The following TNRC6C variants were observed in gnomAD, a reference collection of about 807,000 sequenced individuals.
TNRC6C encodes trinucleotide repeat-containing gene 6C protein.
A neutral mutation model predicts 153.7 loss-of-function variants in TNRC6C; 20 were observed. The ratio of observed to expected loss-of-function variants is 0.13; its 90% confidence interval spans 0.09 to 0.19. TNRC6C has a LOEUF of 0.19. Ranked by LOEUF, TNRC6C falls within the 10% of genes least tolerant of loss-of-function variation. TNRC6C has a pLI of 1.00. For synonymous variants in TNRC6C, 811 were observed against 841.4 expected, an observed-to-expected ratio of 0.96 and a Z score of 0.63; for missense variants, 1,987 against 2,172.0, an observed-to-expected ratio of 0.91 and a Z score of 1.69.
At chr17:78,056,620 C>T (rs8076133) in intron 3 of TNRC6C, among the ~76,000 whole-genome samples, 1,934 of 152,040 alleles carry the variant, frequency 0.013, 38 homozygotes, top group African/African-American at 0.045. Flanking sequence ...CCCGCCACCA[C>T]GCTCGGCTAA....
At chr17:78,101,568 G>A (rs2073595217) in intron 17 of TNRC6C, among the ~76,000 whole-genome samples, 1 of 152,106 alleles carries the variant, frequency 6.6e-6, no homozygotes, top group South Asian at 2.1e-4. Context: ...GGTGTGAAGT[G>A]GGAAATCGGG....
intron 1 of TNRC6C, among the ~76,000 whole-genome samples, chr17:78,026,795 A>G (rs2071949928): frequency 6.6e-6 from 1 of 152,170 alleles, no homozygotes; most frequent in Non-Finnish European, 1.5e-5. Context: ...AGAGTCTCTT[A>G]CAGTACTCCA....
At chr17:78,098,493 C>T (rs372894604) in exon 17 of TNRC6C, 7 of 1,613,894 alleles carry the variant, frequency 4.3e-6, no homozygotes, top group Non-Finnish European at 5.9e-6. Flanking sequence ...CCCTCCTCCA[C>T]CTGGGGTGCC....
chr17:77,962,039 G>C (rs960909711), intron 1 of TNRC6C, among the ~76,000 whole-genome samples: 1 of 152,162 alleles, frequency 6.6e-6, no homozygotes, highest in African/African-American at 2.4e-5. Flanking sequence ...TTCCTGCAGT[G>C]CTGGCTGGGA....
In TNRC6C at chr17:78,064,703, C is replaced by A. The variant is rs1215755451; in HGVS notation, c.2396-19C>A. On this transcript the variant is annotated intron_variant, in intron 3 of 19. Coordinates refer to ENST00000301624, the Ensembl canonical transcript of TNRC6C. ...GATGCACTTTCATTATTTTCTCTACCCCTTGGAACCTTTTTCAGTTTCATC... is the reference window on the plus strand; with the variant it reads ...GATGCACTTTCATTATTTTCTCTACACCTTGGAACCTTTTTCAGTTTCATC... 1 of 1,609,516 alleles carries A rather than the reference C, an allele frequency of 6.2e-7. No individual in the cohort carries two copies. Among genetic ancestry groups the A allele is most frequent in the South Asian group, 1.1e-5 (1 of 90,328 alleles).
At chr17:78,073,274 G>A (rs940418728) in intron 7 of TNRC6C, among the ~76,000 whole-genome samples, 180 bp downstream of exon 9, 1 of 152,214 alleles carries the variant, frequency 6.6e-6, no homozygotes, top group Non-Finnish European at 1.5e-5. Flanking sequence ...TGGGATTAGC[G>A]GACTTTGGAG....
At chr17:78,005,162 A>G in intron 1 of TNRC6C, 83 bp downstream of exon 3, 2 of 968,640 alleles carry the variant, frequency 2.1e-6, no homozygotes, top group East Asian at 3.3e-5. Context: ...TTTTAAATTG[A>G]TGGTTAAAAA....
In TNRC6C at chr17:78,057,469, G is replaced by A. The variant is rs558677374; in HGVS notation, c.2395+6012G>A. Reference sequence around the variant, plus strand: ...AGCATGCAGGAGTGGCATTACCCCCGGTGGCAGCCCCTTGCCCTCCTCTCT... The same window carrying A: ...AGCATGCAGGAGTGGCATTACCCCCAGTGGCAGCCCCTTGCCCTCCTCTCT... On this transcript the variant is annotated intron_variant, in intron 3 of 19. Transcript: ENST00000301624. Among the ~76,000 whole-genome samples, 313 of 152,328 alleles carry A rather than the reference G, an allele frequency of 2.1e-3. 4 individuals carry two copies. The highest frequency in any genetic ancestry group is 6.8e-3 in the African/African-American group (282 of 41,572).
At chr17:78,080,112 TTC>T (rs1321626618) in intron 10 of TNRC6C, among the ~76,000 whole-genome samples, 1 of 152,274 alleles carries the variant, frequency 6.6e-6, no homozygotes, top group Non-Finnish European at 1.5e-5. Context: ...TTTTTTTTCT[TTC>T]TTTCATCCCT....
In TNRC6C at chr17:78,014,188, A is replaced by G. The variant is rs376603128; in HGVS notation, c.-546+9109A>G. On this transcript the variant is annotated intron_variant, in intron 1 of 19. Coordinates refer to ENST00000301624, the Ensembl canonical transcript of TNRC6C. ...TGTTTCATGAGATTTAGGATTTGCCATTTGTTCTGAGAGCTCATTTAGTTC... is the reference window on the plus strand; with the variant it reads ...TGTTTCATGAGATTTAGGATTTGCCGTTTGTTCTGAGAGCTCATTTAGTTC... Among the ~76,000 whole-genome samples, 4 of 152,310 alleles carry G rather than the reference A, an allele frequency of 2.6e-5. No individual in the cohort carries two copies. The East Asian group carries it at 5.8e-4, about 22-fold the overall frequency.
Position 78,103,576 on chromosome 17 carries a change from C to T in TNRC6C, c.4712+23C>T, listed in dbSNP as rs780032603. 10 of 1,613,548 alleles carry T rather than the reference C, an allele frequency of 6.2e-6. No homozygotes were observed. In the South Asian group the frequency reaches 6.6e-5, roughly 11 times the overall value. ...CATGTATGTTTTCTCACAGCCACCT[C>T]AGCGCTCCAAGTAGCTCCCCATCCC... On this transcript the variant is annotated intron_variant, in intron 19 of 19. Coordinates refer to ENST00000301624, the Ensembl canonical transcript of TNRC6C.
chr17:78,010,710 C>A (rs1464656529), intron 1 of TNRC6C, among the ~76,000 whole-genome samples: 3 of 152,020 alleles, frequency 2.0e-5, no homozygotes, highest in Non-Finnish European at 4.4e-5. Flanking sequence ...TTAGATATGT[C>A]TTTCTTTAGC....
intron 1 of TNRC6C, among the ~76,000 whole-genome samples, chr17:77,963,054 A>G (rs73997880): frequency 6.6e-6 from 1 of 152,348 alleles, no homozygotes; most frequent in African/African-American, 2.4e-5. Context: ...GAGTTTTTAA[A>G]TAATTGTGTG....
intron 1 of TNRC6C, among the ~76,000 whole-genome samples, chr17:77,994,481 C>T (rs1303611062): frequency 1.3e-5 from 2 of 152,194 alleles, no homozygotes; most frequent in East Asian, 1.9e-4. Context: ...GAAACTGAAT[C>T]CACACAGTTA....
At chr17:78,033,977 C>T (rs1025800235) in intron 2 of TNRC6C, among the ~76,000 whole-genome samples, 1 of 152,174 alleles carries the variant, frequency 6.6e-6, no homozygotes, top group Non-Finnish European at 1.5e-5. Context: ...ACAAACTCTC[C>T]GTTTTTCTCT....
At chr17:78,100,459 A>G (rs1183098958) in intron 17 of TNRC6C, among the ~76,000 whole-genome samples, 1 of 152,232 alleles carries the variant, frequency 6.6e-6, no homozygotes, top group Non-Finnish European at 1.5e-5. Context: ...CAAGGCTTGG[A>G]GATTGCTCCC....
At chr17:78,073,042 G>T in exon 7 of TNRC6C, 1 of 1,554,946 alleles carries the variant, frequency 6.4e-7, no homozygotes, top group Non-Finnish European at 8.7e-7. Flanking sequence ...CACAGAGAGA[G>T]CCAGCTGAGG....
At chr17:78,055,063 T>C (rs1357198636) in intron 3 of TNRC6C, among the ~76,000 whole-genome samples, 1 of 152,216 alleles carries the variant, frequency 6.6e-6, no homozygotes, top group African/African-American at 2.4e-5. Flanking sequence ...TGCGCACCAC[T>C]GTAGACTGCT....
chr17:78,059,102 A>G (rs533613246), intron 3 of TNRC6C, among the ~76,000 whole-genome samples: 27 of 152,330 alleles, frequency 1.8e-4, no homozygotes, highest in African/African-American at 6.3e-4. Flanking sequence ...CTCCTGTCCT[A>G]GGAAGTTTAT....
Sources: gnomAD v4.1 joint callset for allele counts (sites outside exome capture counted in the v4.1 genomes callset) on GRCh38, gnomAD v4.1.1 for gene constraint, MANE v1.5 for transcripts, NCBI Gene and HGNC (gene_info 2026-07-23, HGNC 2026-07-21) for gene names.